The following NEGR1 variants were observed in gnomAD, a reference collection of about 807,000 sequenced individuals.
NEGR1 encodes neuronal growth regulator 1.
NEGR1 carries 10 observed loss-of-function variants against 40.9 expected under a neutral mutation model. The observed-to-expected ratio is 0.24, with a 90% CI of 0.15 to 0.42. The LOEUF is 0.42. Among genes scored for constraint, NEGR1 ranks in the 10% least tolerant of loss-of-function variants. The probability of loss-of-function intolerance (pLI) is 1.00; values close to 1 mark genes in which losing one functional copy is unlikely to be tolerated. For synonymous variants in NEGR1, 185 were observed against 166.8 expected (o/e 1.11, Z -0.84); for missense variants, 352 against 438.9 (o/e 0.80, Z 1.77).
At chr1:71,813,092 T>C (rs1022161416) in intron 2 of NEGR1, among the ~76,000 whole-genome samples, 2 of 152,164 alleles carry the variant, frequency 1.3e-5, no homozygotes, top group Non-Finnish European at 2.9e-5. Flanking sequence ...TTAATCCATC[T>C]TGAGTCAATT....
At chr1:72,143,903 AT>A (rs1347158152) in intron 1 of NEGR1, among the ~76,000 whole-genome samples, 4 of 80,918 alleles carry the variant, frequency 4.9e-5, no homozygotes, top group East Asian at 6.5e-4. Context: ...TATTATATAT[AT>A]GATATATATA....
At chr1:71,757,776 G>T (rs1655793435) in intron 3 of NEGR1, among the ~76,000 whole-genome samples, 1 of 151,980 alleles carries the variant, frequency 6.6e-6, no homozygotes, top group African/African-American at 2.4e-5. Context: ...AGAAGAAACA[G>T]AATACAAAAT....
chr1:71,526,010 T>C (rs1319297993), intron 6 of NEGR1, among the ~76,000 whole-genome samples: 2 of 151,608 alleles, frequency 1.3e-5, no homozygotes, highest in African/African-American at 2.4e-5. Flanking sequence ...GCTGAAGATA[T>C]GTTAAGGAAG....
chr1:72,072,377 A>G (rs765867425), intron 1 of NEGR1, among the ~76,000 whole-genome samples: 24 of 152,256 alleles, frequency 1.6e-4, no homozygotes, highest in South Asian at 4.1e-4. Context: ...ATTAAATAGG[A>G]AATATTTTTC....
At chr1:71,994,464 C>T (rs1200542506) in intron 1 of NEGR1, among the ~76,000 whole-genome samples, 1 of 151,616 alleles carries the variant, frequency 6.6e-6, no homozygotes, top group Non-Finnish European at 1.5e-5. Flanking sequence ...GGAGGCGGAG[C>T]TTGCAGTGAG....
Position 71,927,736 on chromosome 1 carries a change from T to A in NEGR1, c.409+7343A>T, listed in dbSNP as rs961858533. On this transcript the variant is annotated intron_variant, in intron 2 of 6. Transcript: ENST00000357731. ...GGCTCATGTCAGTAATCCCAGCACT[T>A]TGGGAGGCTGGCCGAGGTGGGTAGA... Among the ~76,000 whole-genome samples, 124 of 143,558 alleles carry A rather than the reference T, an allele frequency of 8.6e-4. 1 individual carries two copies. Among genetic ancestry groups the A allele is most frequent in the African/African-American group, 3.0e-3 (117 of 38,442 alleles). The allele number at this position is 143,558 out of a possible 152,430, so 94.2% of individuals were successfully genotyped here.
chr1:71,642,412 A>G (rs58234055), intron 4 of NEGR1, among the ~76,000 whole-genome samples: 5,565 of 151,956 alleles, frequency 0.037, 131 homozygotes, highest in African/African-American at 0.072. Flanking sequence ...AAAGAGAAGA[A>G]GAAAAGGAAG....
intron 2 of NEGR1, among the ~76,000 whole-genome samples, chr1:71,873,573 T>C (rs1660341450): frequency 6.6e-6 from 1 of 152,164 alleles, no homozygotes; most frequent in Non-Finnish European, 1.5e-5. Context: ...ATAATGCACA[T>C]AAAAACATTG....
At chr1:71,899,001 T>C (rs1439374996) in intron 2 of NEGR1, among the ~76,000 whole-genome samples, 13 of 108,194 alleles carry the variant, frequency 1.2e-4, no homozygotes, top group East Asian at 3.6e-4. Flanking sequence ...TATATATATA[T>C]ATATATATAT....
intron 1 of NEGR1, among the ~76,000 whole-genome samples, chr1:72,005,323 C>T (rs914014268): frequency 7.2e-5 from 11 of 152,070 alleles, no homozygotes; most frequent in Non-Finnish European, 1.3e-4. Context: ...TTTAACGCCA[C>T]GCTATATATA....
At chr1:71,996,007 T>C (rs1226661878) in intron 1 of NEGR1, among the ~76,000 whole-genome samples, 1 of 152,128 alleles carries the variant, frequency 6.6e-6, no homozygotes, top group African/African-American at 2.4e-5. Flanking sequence ...AATTGTTAAC[T>C]CTGAAATTAC....
intron 1 of NEGR1, among the ~76,000 whole-genome samples, chr1:72,230,083 G>C (rs1482372305): frequency 1.3e-5 from 2 of 152,042 alleles, no homozygotes; most frequent in Admixed American, 1.3e-4. Context: ...TCTACTGCTG[G>C]AAATATCACA....
At chr1:72,249,759 TC>T (rs541729344) in intron 1 of NEGR1, among the ~76,000 whole-genome samples, 182 of 143,260 alleles carry the variant, frequency 1.3e-3, no homozygotes, top group African/African-American at 4.3e-3. Flanking sequence ...GAGATGCAGT[TC>T]CCGGCAAAGA....
At chr1:72,189,820 T>TA (rs1652752846) in intron 1 of NEGR1, among the ~76,000 whole-genome samples, 1 of 151,610 alleles carries the variant, frequency 6.6e-6, no homozygotes, top group South Asian at 2.1e-4. Flanking sequence ...ACAAGATTGT[T>TA]ATCTTCAAGT....
chr1:71,493,912 C>T (rs1646945634), intron 6 of NEGR1, among the ~76,000 whole-genome samples: 1 of 152,338 alleles, frequency 6.6e-6, no homozygotes, highest in Non-Finnish European at 1.5e-5. Context: ...GGGATCCTTT[C>T]TTTAGCATCT....
chr1:71,948,071 C>T (rs867394804), intron 1 of NEGR1, among the ~76,000 whole-genome samples: 2 of 152,068 alleles, frequency 1.3e-5, no homozygotes. Context: ...TTCTGAAGAA[C>T]ACGGACTTTT....
chr1:71,526,868 G>A (rs1647223140), intron 6 of NEGR1, among the ~76,000 whole-genome samples: 1 of 151,494 alleles, frequency 6.6e-6, no homozygotes, highest in Admixed American at 6.6e-5. Flanking sequence ...GATCCAGCCT[G>A]TCTACTTTCT....
chr1:71,484,749 T>G (rs1646876017), intron 6 of NEGR1: 1 of 151,764 alleles, frequency 6.6e-6, no homozygotes, highest in Admixed American at 6.6e-5. Context: ...TAAGATCATA[T>G]AAATCTAAGT....
chr1:72,000,528 A>G (rs1425935703), intron 1 of NEGR1, among the ~76,000 whole-genome samples: 1 of 152,208 alleles, frequency 6.6e-6, no homozygotes, highest in Non-Finnish European at 1.5e-5. Flanking sequence ...TTACATTTTT[A>G]ATAATATATT....
Sources: allele counts gnomAD v4.1 joint callset (sites outside exome capture counted in the v4.1 genomes callset), GRCh38; gene constraint gnomAD v4.1.1; transcripts MANE v1.5; gene names NCBI Gene and HGNC (gene_info 2026-07-23, HGNC 2026-07-21).